TMEM232: variants seen among roughly 807,000 people sequenced by gnomAD.
The protein encoded by TMEM232 is transmembrane protein 232.
Under a neutral mutation model 78.8 loss-of-function variants are expected in TMEM232, and 80 were observed. The observed-to-expected ratio is 1.01, with a 90% CI of 0.85 to 1.22. The LOEUF is 1.22. Among genes scored for constraint, TMEM232 ranks in the 50% most tolerant of loss-of-function variants. TMEM232 has a pLI of 0.00. For synonymous variants in TMEM232, 297 were observed against 254.3 expected, an observed-to-expected ratio of 1.17 and a Z score of -1.60; for missense variants, 881 against 742.2, an observed-to-expected ratio of 1.19 and a Z score of -2.17.
At chr5:110,639,201 T>A (rs578128406) in intron 4 of TMEM232, among the ~76,000 whole-genome samples, 1 of 152,162 alleles carries the variant, frequency 6.6e-6, no homozygotes, top group Admixed American at 6.6e-5. Flanking sequence ...GTTACACTCA[T>A]TTGAGTGTAA....
At chr5:110,530,071 G>C (rs1376225918) in intron 11 of TMEM232, among the ~76,000 whole-genome samples, 1 of 152,156 alleles carries the variant, frequency 6.6e-6, no homozygotes, top group African/African-American at 2.4e-5. Flanking sequence ...ATGTTTTTCT[G>C]TACATGAACA....
At chr5:110,563,002 C>G (rs1775926039) in intron 11 of TMEM232, among the ~76,000 whole-genome samples, 1 of 151,900 alleles carries the variant, frequency 6.6e-6, no homozygotes, top group Admixed American at 6.6e-5. Flanking sequence ...ATATTCAATG[C>G]AAATTAAACA....
rs944796660 is a variant in TMEM232, at chr5:110,419,642, C to T, written c.*938G>A. On this transcript the variant is annotated 3_prime_UTR_variant, in exon 14 of 14. Transcript: ENST00000455884. ...CTATATGGGATAGGTATTCCTTAGC[C>T]GGCTTCACTAATTTATGTTACCTTT... is the stretch of plus-strand genomic sequence containing the variant. 1.3e-5 allele frequency among the ~76,000 whole-genome samples: 2 copies of T among 152,114 alleles called. No individual in the cohort carries two copies. The highest frequency in any genetic ancestry group is 2.4e-5 in the African/African-American group (1 of 41,528).
chr5:110,438,577 G>A (rs980196080), intron 12 of TMEM232, among the ~76,000 whole-genome samples: 1 of 151,840 alleles, frequency 6.6e-6, no homozygotes, highest in East Asian at 1.9e-4. Flanking sequence ...TTACTAGGGT[G>A]GTAAGGGAAA....
Position 110,660,079 on chromosome 5 carries a change from C to G in TMEM232, c.125+7149G>C, listed in dbSNP as rs762617988. Among the ~76,000 whole-genome samples the G allele has an allele frequency of 5.3e-5, 8 of 151,944 alleles. 1 individual carries two copies. The highest frequency in any genetic ancestry group is 1.0e-4 in the Non-Finnish European group (7 of 67,962). On this transcript the variant is annotated intron_variant, in intron 2 of 13. Transcript: ENST00000455884. ...CATCCATAGATTCAAAAAGTTCCAT[C>G]AAATCTAAGTAAGATAATTTTTAAA...
chr5:110,602,527 C>G (rs1286713299), intron 10 of TMEM232, among the ~76,000 whole-genome samples: 2 of 151,936 alleles, frequency 1.3e-5, no homozygotes, highest in African/African-American at 4.8e-5. Context: ...GTGGCCAAAA[C>G]AAGCATATGA....
chr5:110,651,992 T>C (rs371685847), intron 2 of TMEM232, among the ~76,000 whole-genome samples: 1 of 152,180 alleles, frequency 6.6e-6, no homozygotes, highest in Non-Finnish European at 1.5e-5. Flanking sequence ...TGGTGTTTGC[T>C]TTATATATAC....
intron 4 of TMEM232, among the ~76,000 whole-genome samples, chr5:110,389,678 G>C: frequency 6.6e-6 from 1 of 152,116 alleles, no homozygotes; most frequent in Non-Finnish European, 1.5e-5. Flanking sequence ...CCTTTCAAAG[G>C]ACTGAATATA....
chr5:110,395,854 T>C (rs1755365289), intron 3 of TMEM232, among the ~76,000 whole-genome samples: 1 of 152,160 alleles, frequency 6.6e-6, no homozygotes, highest in Non-Finnish European at 1.5e-5. Context: ...CTTTTCTCTT[T>C]CCCTTTCATT....
chr5:110,675,861 G>A (rs1260060408), intron 1 of TMEM232, among the ~76,000 whole-genome samples: 1 of 152,088 alleles, frequency 6.6e-6, no homozygotes, highest in Non-Finnish European at 1.5e-5. Flanking sequence ...CTGTACAACA[G>A]ATCTCCAGAA....
chr5:110,670,436 G>A (rs988704854), intron 1 of TMEM232, among the ~76,000 whole-genome samples: 5 of 152,086 alleles, frequency 3.3e-5, no homozygotes, highest in Admixed American at 3.3e-4. Flanking sequence ...GGATGTGAAG[G>A]ACCTCTTCAA....
intron 1 of TMEM232, among the ~76,000 whole-genome samples, chr5:110,689,903 T>C (rs1405594346): frequency 6.6e-6 from 1 of 152,196 alleles, no homozygotes; most frequent in Admixed American, 6.5e-5. Flanking sequence ...CCCCATTTAA[T>C]AAATGGTATT....
At chr5:110,546,721 C>T (rs1773821315) in intron 11 of TMEM232, among the ~76,000 whole-genome samples, 1 of 152,074 alleles carries the variant, frequency 6.6e-6, no homozygotes, top group South Asian at 2.1e-4. Flanking sequence ...CCCTAATTCA[C>T]ATGGAGTAGT....
chr5:110,444,400 C>T (rs1183953999), intron 12 of TMEM232, among the ~76,000 whole-genome samples: 1 of 152,086 alleles, frequency 6.6e-6, no homozygotes, highest in East Asian at 1.9e-4. Flanking sequence ...TCTCCCTCCC[C>T]CAAGTGCACA....
intron 12 of TMEM232, among the ~76,000 whole-genome samples, chr5:110,469,982 C>A (rs75527647): frequency 1.3e-5 from 2 of 152,074 alleles, no homozygotes; most frequent in Non-Finnish European, 2.9e-5. Flanking sequence ...CCTGCCCCCC[C>A]GGAACCCCAG....
At chr5:110,391,348 A>AGAGAGAGAGAGAGAGAGAGAGAGAG (rs1580539420) in intron 3 of TMEM232, among the ~76,000 whole-genome samples, 1 of 140,500 alleles carries the variant, frequency 7.1e-6, no homozygotes, top group African/African-American at 2.8e-5. Flanking sequence ...AGAGAGAGAG[A>AGAGAGAGAGAGAGAGAGAGAGAGAG]AACCTCTGTG....
At chr5:110,441,357 A>G (rs1759020967) in intron 12 of TMEM232, among the ~76,000 whole-genome samples, 3 of 152,186 alleles carry the variant, frequency 2.0e-5, no homozygotes, top group African/African-American at 7.2e-5. Context: ...ATCTTCCAGG[A>G]AAAGTTAAGA....
At chr5:110,422,111 AGTT>A (rs754454943) in intron 13 of TMEM232, among the ~76,000 whole-genome samples, 2 of 152,226 alleles carry the variant, frequency 1.3e-5, no homozygotes, top group African/African-American at 4.8e-5. Context: ...CTAATAATCT[AGTT>A]GTTTAAGAAA....
rs1276113771 is a variant in TMEM232 at position 110,392,513 on chromosome 5, C to T, written n.391-1873G>A. On this transcript the variant is annotated intron_variant and non_coding_transcript_variant, in intron 3 of 8. Transcript: ENST00000507188. The stretch of plus-strand genomic sequence containing the variant: ...AATTTATTTCTCACAGTAATGGAGA[C>T]TGAGAAGTCCAAGATCAAGGTGCCT... Among the ~76,000 whole-genome samples the T allele has an allele frequency of 2.0e-5, 3 of 152,186 alleles. No homozygotes were observed. In the East Asian group the frequency reaches 5.8e-4, roughly 29 times the overall value.
Sources: allele counts gnomAD v4.1 joint callset (sites outside exome capture counted in the v4.1 genomes callset), GRCh38; gene constraint gnomAD v4.1.1; transcripts MANE v1.5; gene names NCBI Gene and HGNC (gene_info 2026-07-23, HGNC 2026-07-21).